The following DIPK1B variants were observed in gnomAD, a reference collection of about 807,000 sequenced individuals.
DIPK1B encodes family with sequence similarity 69 member B.
Under a neutral mutation model 20.7 loss-of-function variants are expected in DIPK1B, and 17 were observed. The ratio of observed to expected loss-of-function variants is 0.82; its 90% CI spans 0.56 to 1.23. The LOEUF is 1.23. Ranked by LOEUF, DIPK1B falls within the 50% of genes most tolerant of loss-of-function variation. The pLI is 0.00. For missense variants in DIPK1B, 648 were observed against 601.8 expected (o/e 1.08, Z -0.80); for synonymous variants, 343 against 276.5 (o/e 1.24, Z -2.39).
Position 136,722,141 on chromosome 9 carries a change from G to A in DIPK1B, c.323G>A (p.Trp108Ter), listed in dbSNP as rs749753531. The stretch of plus-strand genomic sequence containing the variant: ...CCTGTCCAGGTGTACAGCGGGCTCT[G>A]GCGGGACAAGGATGTAACCATCAAG... ...APGQQVYSGL[W>*]RDKDVTIKCG... is the part of the protein sequence containing the mutation. Residue 108 changes from tryptophan to a stop codon, truncating the protein, a stop_gained, in exon 4 of 5, where the codon TGG (tryptophan) becomes TAG (stop). Transcript: ENST00000371692. LOFTEE classifies it high-confidence loss of function. 4.3e-6 allele frequency: 7 copies of A among 1,614,046 alleles called. No homozygotes were observed. The Admixed American group carries it at 1.2e-4, about 27-fold the overall frequency.
intron 1 of DIPK1B, among the ~76,000 whole-genome samples, chr9:136,715,475 C>G (rs1481365936): frequency 6.6e-6 from 1 of 151,620 alleles, no homozygotes; most frequent in Admixed American, 6.5e-5. Context: ...TCCCAGACAT[C>G]TGGGTCAGAG....
chr9:136,715,464 C>T (rs2131039939), intron 1 of DIPK1B, among the ~76,000 whole-genome samples: 1 of 152,102 alleles, frequency 6.6e-6, no homozygotes, highest in Non-Finnish European at 1.5e-5. Context: ...TAAAAGCCGG[C>T]TCCCAGACAT....
At chr9:136,721,827 T>G in intron 2 of DIPK1B, 94 bp from the exon 3 acceptor site, 1 of 1,099,446 alleles carries the variant, frequency 9.1e-7, no homozygotes. Flanking sequence ...CTGCAGCAAG[T>G]GGAGGCCCCT....
chr9:136,719,408 G>T (rs896907125), intron 2 of DIPK1B, among the ~76,000 whole-genome samples: 10 of 152,218 alleles, frequency 6.6e-5, no homozygotes, highest in African/African-American at 2.4e-4. Flanking sequence ...TCCCAGAGGA[G>T]GTTCCCTGCC....
At chr9:136,722,507 G>C (rs372332008) in intron 4 of DIPK1B, 2 of 653,828 alleles carry the variant, frequency 3.1e-6, no homozygotes, top group South Asian at 2.0e-5. Context: ...TGGGGGCGCC[G>C]GTGGGCTGGC....
chr9:136,718,664 C>T (rs1441768374), intron 2 of DIPK1B, among the ~76,000 whole-genome samples: 1 of 152,210 alleles, frequency 6.6e-6, no homozygotes, highest in Non-Finnish European at 1.5e-5. Flanking sequence ...AGGATCTGGC[C>T]TGTAGCAGCG....
chr9:136,722,085 G>C, intron 3 of DIPK1B, 40 bp from the exon 4 acceptor site: 1 of 1,613,488 alleles, frequency 6.2e-7, no homozygotes, highest in South Asian at 1.1e-5. Flanking sequence ...TGCAGTGGGA[G>C]GGGGATGTCT....
In DIPK1B at chr9:136,723,584, T is replaced by C; in HGVS notation, c.1106T>C (p.Val369Ala). The change falls in exon 5 of 5, where the codon GTG becomes GCG. Residue 369 changes from valine to alanine, a missense_variant. Val to Ala is a moderately conservative substitution (Grantham distance 64). Transcript: ENST00000371692. ...CTCATCCAGCCCAACCTGGCCAAGGTGTGCGCACTGCTACGGGGCTACCTG... is the reference window on the plus strand; with the variant it reads ...CTCATCCAGCCCAACCTGGCCAAGGCGTGCGCACTGCTACGGGGCTACCTG... ...GDLIQPNLAK[V>A]CALLRGYLLP... The C allele has an allele frequency of 6.3e-7, 1 of 1,596,100 alleles. No individual in the cohort carries two copies. The highest frequency in any genetic ancestry group is 8.5e-7 in the Non-Finnish European group (1 of 1,171,984).
intron 2 of DIPK1B, among the ~76,000 whole-genome samples, chr9:136,718,202 GT>G (rs1564307846): frequency 2.7e-4 from 9 of 33,004 alleles, no homozygotes; most frequent in African/African-American, 7.3e-4. Flanking sequence ...GGCCTCACTG[GT>G]CCAGGATAGA....
chr9:136,722,812 C>T, intron 4 of DIPK1B, 150 bp from the exon 5 acceptor site: 1 of 757,506 alleles, frequency 1.3e-6, no homozygotes, highest in East Asian at 2.7e-5. Flanking sequence ...GCGTCCTCCA[C>T]CCGTGTAGCT....
chr9:136,717,283 C>T (rs145716493), intron 1 of DIPK1B, among the ~76,000 whole-genome samples: 2,915 of 152,218 alleles, frequency 0.019, 49 homozygotes, highest in Middle Eastern at 0.061. Context: ...ACCCTGTAGT[C>T]CCCTGGTTTT....
chr9:136,717,983 G>A (rs915112032), intron 2 of DIPK1B, among the ~76,000 whole-genome samples: 13 of 152,052 alleles, frequency 8.5e-5, no homozygotes, highest in Non-Finnish European at 1.8e-4. Context: ...GGGGGCAGAA[G>A]GCAGGGCAGA....
chr9:136,722,091 T>C (rs1388274753), intron 3 of DIPK1B, 34 bp from the exon 4 acceptor site: 1 of 1,613,430 alleles, frequency 6.2e-7, no homozygotes, highest in Non-Finnish European at 8.5e-7. Flanking sequence ...GGGAGGGGGA[T>C]GTCTGCACGG....
chr9:136,723,580 A>G lies in DIPK1B; in HGVS notation c.1102A>G (p.Lys368Glu). Residue 368 changes from lysine to glutamate, a missense_variant, in exon 5 of 5, where the codon AAG becomes GAG. Physicochemically the swap from Lys to Glu is moderately conservative, Grantham distance 56. Coordinates refer to ENST00000371692, the MANE Select transcript of DIPK1B (RefSeq NM_152421.4). ...KGDLIQPNLA[K>E]VCALLRGYLL... ...CGACCTCATCCAGCCCAACCTGGCC[A>G]AGGTGTGCGCACTGCTACGGGGCTA... 1 of 1,597,122 alleles carries G rather than the reference A, an allele frequency of 6.3e-7. No individual in the cohort carries two copies. The highest frequency in any genetic ancestry group is 8.5e-7 in the Non-Finnish European group (1 of 1,172,426).
chr9:136,716,975 T>C (rs193185401), intron 1 of DIPK1B, among the ~76,000 whole-genome samples: 5 of 152,216 alleles, frequency 3.3e-5, no homozygotes, highest in Admixed American at 6.5e-5. Flanking sequence ...ACACCTGTAA[T>C]CCCAGCACTT....
Position 136,712,643 on chromosome 9 carries a change from C to T in DIPK1B, c.-23C>T. 4 of 1,169,072 alleles carry T rather than the reference C, an allele frequency of 3.4e-6. No homozygotes were observed. The highest frequency in any genetic ancestry group is 3.2e-6 in the Non-Finnish European group (3 of 946,676). The allele number at this position is 1,169,072 out of a possible 1,614,324, so 72.4% of individuals were successfully genotyped here. Reference sequence around the variant, plus strand: ...GAGGCCGAGCGAGCCGCGGGGCCCGCGCAGCCCCGGCCGGAGCCCACCATG... The same window carrying T: ...GAGGCCGAGCGAGCCGCGGGGCCCGTGCAGCCCCGGCCGGAGCCCACCATG... On this transcript the variant is annotated 5_prime_UTR_variant, in exon 1 of 5. Transcript: ENST00000371692. The surrounding 1 kb of genome is among the most constrained non-coding windows in gnomAD (Gnocchi z 5.6).
In DIPK1B at chr9:136,722,183, C is replaced by A; in HGVS notation, c.365C>A (p.Thr122Asn). The A allele has an allele frequency of 1.2e-6, 2 of 1,613,996 alleles. No individual in the cohort carries two copies. Among genetic ancestry groups the A allele is most frequent in the Non-Finnish European group, 8.5e-7 (1 of 1,179,976 alleles). Residue 122 changes from threonine (T) to asparagine (N), a missense_variant, in exon 4 of 5, where the codon ACC (threonine) becomes AAC (asparagine). Coordinates refer to ENST00000371692, the MANE Select transcript of DIPK1B (RefSeq NM_152421.4). ...ACCATCAAGTGTGGCATTGAGGAGA[C>A]CCTCGACTCCAAGGCCCGGTCGGAT... ...DVTIKCGIEE[T>N]LDSKARSDAA...
intron 1 of DIPK1B, among the ~76,000 whole-genome samples, chr9:136,713,750 G>T (rs73668361): frequency 6.6e-6 from 1 of 152,370 alleles, no homozygotes; most frequent in East Asian, 1.9e-4. Context: ...TGGCAGCAGA[G>T]GGGTGTTGGC....
rs1564310580 is a variant in DIPK1B at position 136,722,210 on chromosome 9, CG to C, written c.394del (p.Ala132ProfsTer24). The C allele has an allele frequency of 6.2e-7, 1 of 1,613,832 alleles. No individual in the cohort carries two copies. Among genetic ancestry groups the C allele is most frequent in the African/African-American group, 1.3e-5 (1 of 74,908 alleles). On this transcript the variant is annotated frameshift_variant, in exon 4 of 5. Transcript: ENST00000371692. LOFTEE classifies it high-confidence loss of function. Reference protein sequence around the residue: ...ETLDSKARSDAAPRRELVLFD... With the variant: ...ETLDSKARSDXAPRRELVLFD... The stretch of plus-strand genomic sequence containing the variant: ...CTCGACTCCAAGGCCCGGTCGGATG[CG>C]GCCCCCCGGCGGGAGCTGGTACTGT...
Sources: allele counts gnomAD v4.1 joint callset (sites outside exome capture counted in the v4.1 genomes callset), GRCh38; gene constraint gnomAD v4.1.1; non-coding constraint Gnocchi (gnomAD v3.1); transcripts MANE v1.5; gene names NCBI Gene and HGNC (gene_info 2026-07-23, HGNC 2026-07-21).